CLSTN2: variants seen among roughly 807,000 people sequenced by gnomAD.
CLSTN2 encodes calsyntenin 2, also known as calsyntenin-2.
CLSTN2 carries 48 observed loss-of-function variants against 101.2 expected under a neutral mutation model. That is an observed-to-expected ratio of 0.47 (90% CI 0.38 to 0.60). The LOEUF (loss-of-function observed/expected upper bound fraction) is 0.60, where lower values mean the gene tolerates loss of function less well. CLSTN2 is among the 20% of genes least tolerant of loss of function. The probability of loss-of-function intolerance (pLI) is 0.00; values close to 1 mark genes in which losing one functional copy is unlikely to be tolerated. For synonymous variants in CLSTN2, 481 were observed against 463.6 expected, an observed-to-expected ratio of 1.04 and a Z score of -0.48; for missense variants, 1,160 against 1,238.2, an observed-to-expected ratio of 0.94 and a Z score of 0.95.
intron 5 of CLSTN2, among the ~76,000 whole-genome samples, chr3:140,427,792 G>A (rs347326): frequency 0.67 from 102,051 of 151,978 alleles, 36,151 homozygotes; most frequent in East Asian, 0.91. Flanking sequence ...AATGGGTGGT[G>A]TTTGGTTACA....
intron 5 of CLSTN2, among the ~76,000 whole-genome samples, chr3:140,426,147 G>C (rs927263495): frequency 6.6e-6 from 1 of 152,098 alleles, no homozygotes; most frequent in Non-Finnish European, 1.5e-5. Flanking sequence ...TTAAGTTCTG[G>C]GATACATGTG....
At chr3:140,516,986 T>C (rs1934930764) in intron 8 of CLSTN2, among the ~76,000 whole-genome samples, 3 of 152,092 alleles carry the variant, frequency 2.0e-5, no homozygotes, top group Admixed American at 6.6e-5. Flanking sequence ...GGTTTTGTCA[T>C]TTAACATAAC....
Position 139,997,143 on chromosome 3 carries a change from G to T in CLSTN2, c.109+61660G>T, listed in dbSNP as rs547842162. Among the ~76,000 whole-genome samples, 10 of 151,722 alleles carry T rather than the reference G, an allele frequency of 6.6e-5. No individual in the cohort carries two copies. The South Asian group carries it at 1.7e-3, about 25-fold the overall frequency. ...TGCATTTTAAAAAATAGTTTTCATA[G>T]GTGCTGTTTATAGATTCTCGATATT... On this transcript the variant is annotated intron_variant, in intron 1 of 16. Transcript: ENST00000458420.
intron 2 of CLSTN2, among the ~76,000 whole-genome samples, chr3:140,247,873 C>T (rs921034198): frequency 1.3e-5 from 2 of 152,170 alleles, no homozygotes; most frequent in Non-Finnish European, 2.9e-5. Context: ...AAGACTTTCC[C>T]TGCCTTCCAG....
intron 1 of CLSTN2, among the ~76,000 whole-genome samples, chr3:140,019,980 G>A (rs1471683827): frequency 6.6e-6 from 1 of 152,134 alleles, no homozygotes; most frequent in African/African-American, 2.4e-5. Context: ...TGGAACCTCT[G>A]GGGCCTTCTG....
intron 2 of CLSTN2, among the ~76,000 whole-genome samples, chr3:140,389,063 T>C (rs1428604913): frequency 2.0e-5 from 3 of 152,218 alleles, no homozygotes; most frequent in South Asian, 4.1e-4. Context: ...TTTTATAGAG[T>C]TGAATTAAAT....
chr3:140,380,626 T>A (rs1047590357), intron 2 of CLSTN2, among the ~76,000 whole-genome samples: 1 of 152,180 alleles, frequency 6.6e-6, no homozygotes, highest in African/African-American at 2.4e-5. Context: ...CTGATCCTAT[T>A]TCCTACAAAG....
At chr3:140,456,656 G>T (rs887262034) in intron 6 of CLSTN2, among the ~76,000 whole-genome samples, 3 of 151,984 alleles carry the variant, frequency 2.0e-5, no homozygotes, top group Non-Finnish European at 2.9e-5. Context: ...ACATAGTGGC[G>T]CATGCCTGTA....
At chr3:140,156,219 T>C (rs546190861) in intron 1 of CLSTN2, among the ~76,000 whole-genome samples, 1 of 152,268 alleles carries the variant, frequency 6.6e-6, no homozygotes, top group South Asian at 2.1e-4. Flanking sequence ...ATGTTCAGGG[T>C]CAGTGGGATT....
At chr3:140,053,106 AG>A (rs994644881) in intron 1 of CLSTN2, among the ~76,000 whole-genome samples, 3 of 152,086 alleles carry the variant, frequency 2.0e-5, no homozygotes, top group Non-Finnish European at 4.4e-5. Context: ...TTCTCGGGTG[AG>A]GGAGGACATG....
intron 2 of CLSTN2, among the ~76,000 whole-genome samples, chr3:140,384,597 C>T (rs1372631710): frequency 6.6e-6 from 1 of 152,198 alleles, no homozygotes; most frequent in Admixed American, 6.5e-5. Context: ...ATTTTCCACT[C>T]ACTCGGATGA....
chr3:140,240,412 A>G (rs1456902342), intron 2 of CLSTN2, among the ~76,000 whole-genome samples: 1 of 151,240 alleles, frequency 6.6e-6, no homozygotes, highest in African/African-American at 2.4e-5. Flanking sequence ...TGAAAGGAGA[A>G]TGACATTTGG....
At chr3:140,039,169 G>T (rs1039662114) in intron 1 of CLSTN2, among the ~76,000 whole-genome samples, 1 of 152,078 alleles carries the variant, frequency 6.6e-6, no homozygotes, top group Non-Finnish European at 1.5e-5. Context: ...ATATCTTTAT[G>T]CCCATATTTC....
At chr3:140,205,623 C>CCCCCG (rs1339091281) in intron 2 of CLSTN2, among the ~76,000 whole-genome samples, 1 of 95,856 alleles carries the variant, frequency 1.0e-5, no homozygotes, top group Non-Finnish European at 2.0e-5. Context: ...GACCCGCCCC[C>CCCCCG]CACCCACACA....
At chr3:140,518,336 C>T (rs1934960379) in intron 8 of CLSTN2, among the ~76,000 whole-genome samples, 1 of 152,206 alleles carries the variant, frequency 6.6e-6, no homozygotes, top group Admixed American at 6.5e-5. Context: ...ACTTTGCATT[C>T]AGGTGAAATT....
At chr3:140,024,431 T>TTTTTTG (rs962558898) in intron 1 of CLSTN2, among the ~76,000 whole-genome samples, 2 of 152,152 alleles carry the variant, frequency 1.3e-5, no homozygotes, top group African/African-American at 4.8e-5. Context: ...GCATGGCTGT[T>TTTTTTG]TTTTTGTTTT....
chr3:140,470,873 T>C (rs1451696475), intron 8 of CLSTN2, among the ~76,000 whole-genome samples: 1 of 152,174 alleles, frequency 6.6e-6, no homozygotes, highest in Non-Finnish European at 1.5e-5. Flanking sequence ...TGGCTCTTCA[T>C]GGCACTGAAA....
intron 1 of CLSTN2, among the ~76,000 whole-genome samples, chr3:139,973,796 G>C (rs1213705412): frequency 2.6e-5 from 4 of 152,058 alleles, no homozygotes; most frequent in Admixed American, 2.6e-4. Context: ...GTGCCACCAT[G>C]CCCAGCTAAA....
At chr3:139,944,876 C>T (rs1256127754) in intron 1 of CLSTN2, among the ~76,000 whole-genome samples, 1 of 152,230 alleles carries the variant, frequency 6.6e-6, no homozygotes, top group Non-Finnish European at 1.5e-5. Flanking sequence ...GTTTAAAATA[C>T]TCGCTTCCGC....
Sources: gnomAD v4.1 joint callset for allele counts (sites outside exome capture counted in the v4.1 genomes callset) on GRCh38, gnomAD v4.1.1 for gene constraint, MANE v1.5 for transcripts, NCBI Gene and HGNC (gene_info 2026-07-23, HGNC 2026-07-21) for gene names.